The following OPCML variants were observed in gnomAD, a reference collection of about 807,000 sequenced individuals.
OPCML encodes opioid-binding protein/cell adhesion molecule.
In OPCML, 13 loss-of-function variants were observed where a neutral mutation model predicts 37.8. That is an observed-to-expected ratio of 0.34 (90% CI 0.22 to 0.55). The LOEUF (loss-of-function observed/expected upper bound fraction) is 0.55. Ranked by LOEUF, OPCML falls within the 20% of genes least tolerant of loss-of-function variation. The pLI, the probability that OPCML is intolerant of heterozygous loss-of-function variation, is 0.91. For missense variants in OPCML, 341 were observed against 435.6 expected, an observed-to-expected ratio of 0.78 and a Z score of 1.93; for synonymous variants, 176 against 168.8, an observed-to-expected ratio of 1.04 and a Z score of -0.33.
rs562216785 is a variant in OPCML, at chr11:132,598,571, A to C, written c.379+58516T>G. On this transcript the variant is annotated intron_variant, in intron 3 of 7. Coordinates refer to ENST00000524381, the MANE Select transcript of OPCML (RefSeq NM_001012393.5). ...TTCTTAGCACTGCTAAGAAAATTTCATCAACACTGTGTAATATTAATCCGA... is the reference window on the plus strand; with the variant it reads ...TTCTTAGCACTGCTAAGAAAATTTCCTCAACACTGTGTAATATTAATCCGA... Among the ~76,000 whole-genome samples, 19 of 152,298 alleles carry C rather than the reference A, an allele frequency of 1.2e-4. No homozygotes were observed. In the East Asian group the frequency reaches 3.5e-3, roughly 28 times the overall value.
At chr11:132,490,932 T>G (rs1230741135) in intron 4 of OPCML, among the ~76,000 whole-genome samples, 1 of 152,196 alleles carries the variant, frequency 6.6e-6, no homozygotes, top group African/African-American at 2.4e-5. Flanking sequence ...CTGCCCTCTG[T>G]TTCCTTCATT....
chr11:132,587,302 G>A (rs2096475014), intron 3 of OPCML, among the ~76,000 whole-genome samples: 1 of 152,228 alleles, frequency 6.6e-6, no homozygotes, highest in Non-Finnish European at 1.5e-5. Context: ...GGTTTAGGAA[G>A]AGACAAACTA....
intron 1 of OPCML, among the ~76,000 whole-genome samples, chr11:133,121,076 C>G (rs1291627392): frequency 6.6e-6 from 1 of 152,102 alleles, no homozygotes; most frequent in Non-Finnish European, 1.5e-5. Flanking sequence ...GTGCGTGTCA[C>G]CATGTCTGGC....
rs530666899 is a variant in OPCML, at chr11:132,694,239, A to G, written c.147-36920T>C. ...TTTTAAGACGGAATCTTCCTCTATC[A>G]TCAGGCTGGAGTGCAGTGGCGCGAT... On this transcript the variant is annotated intron_variant, in intron 2 of 7. Coordinates refer to ENST00000524381, the MANE Select transcript of OPCML (RefSeq NM_001012393.5). Among the ~76,000 whole-genome samples the G allele has an allele frequency of 3.7e-3, 428 of 117,042 alleles. 3 individuals are homozygous for G. The highest frequency in any genetic ancestry group is 0.025 in the South Asian group (91 of 3,648). The allele number at this position is 117,042 out of a possible 152,430, so 76.8% of individuals were successfully genotyped here.
chr11:132,792,236 C>G (rs1381219825), intron 2 of OPCML, among the ~76,000 whole-genome samples: 1 of 152,006 alleles, frequency 6.6e-6, no homozygotes, highest in Non-Finnish European at 1.5e-5. Context: ...ATTACTGCTA[C>G]CTGTGTTCTG....
intron 1 of OPCML, among the ~76,000 whole-genome samples, chr11:132,961,903 C>G (rs1946100356): frequency 6.6e-6 from 1 of 152,214 alleles, no homozygotes; most frequent in Non-Finnish European, 1.5e-5. Context: ...CAGAAATTAC[C>G]TTCCCTGGGC....
intron 1 of OPCML, chr11:133,008,890 A>T: frequency 1.0e-6 from 1 of 985,472 alleles, no homozygotes; most frequent in Non-Finnish European, 1.2e-6. Context: ...ATATCTGGTC[A>T]TATGAGTGAT....
intron 3 of OPCML, among the ~76,000 whole-genome samples, chr11:132,590,714 C>A (rs1348639173): frequency 2.0e-5 from 3 of 152,110 alleles, no homozygotes; most frequent in African/African-American, 7.2e-5. Flanking sequence ...AAACGGCACA[C>A]ACGCATGACA....
chr11:132,962,068 C>T lies in OPCML; in HGVS notation c.62-19058G>A, dbSNP rs569739234. 3.9e-5 allele frequency among the ~76,000 whole-genome samples: 6 copies of T among 152,370 alleles called. No individual in the cohort carries two copies. In the East Asian group the frequency reaches 1.2e-3, roughly 29 times the overall value. ...CTGCACTGAGGTCTTTCTTTATTCT[C>T]AGTACCAAGCACAATGCTTGGCAAA... On this transcript the variant is annotated intron_variant, in intron 1 of 7. Coordinates refer to ENST00000524381, the MANE Select transcript of OPCML (RefSeq NM_001012393.5).
At chr11:133,216,395 G>A (rs1008559732) in intron 1 of OPCML, among the ~76,000 whole-genome samples, 3 of 152,160 alleles carry the variant, frequency 2.0e-5, no homozygotes, top group Admixed American at 6.5e-5. Flanking sequence ...TGGATGGTAC[G>A]TATTAGACGA....
In OPCML at chr11:132,774,418, G is replaced by A. The variant is rs79879667; in HGVS notation, c.147-117099C>T. ...TGTTTTTTTTCATCGTACAGGCTCC[G>A]ACCAATAAGAATGGTCAGTGTTACA... On this transcript the variant is annotated intron_variant, in intron 2 of 7. Transcript: ENST00000524381. Among the ~76,000 whole-genome samples the A allele has an allele frequency of 3.2e-3, 493 of 151,986 alleles. 5 individuals carry two copies. Among genetic ancestry groups the A allele is most frequent in the African/African-American group, 0.011 (463 of 41,434 alleles).
At chr11:132,818,355 A>G (rs1365409607) in intron 2 of OPCML, among the ~76,000 whole-genome samples, 1 of 152,120 alleles carries the variant, frequency 6.6e-6, no homozygotes, top group Non-Finnish European at 1.5e-5. Flanking sequence ...GGCTTTGAGC[A>G]AAGTCGACTG....
At chr11:133,292,068 A>G (rs541324848) in intron 1 of OPCML, among the ~76,000 whole-genome samples, 1 of 152,364 alleles carries the variant, frequency 6.6e-6, no homozygotes, top group African/African-American at 2.4e-5. Context: ...CTATAAAAAT[A>G]TCATCTATCC....
intron 1 of OPCML, among the ~76,000 whole-genome samples, chr11:133,274,243 C>T (rs536537063): frequency 6.2e-4 from 95 of 152,274 alleles, no homozygotes; most frequent in African/African-American, 2.2e-3. Flanking sequence ...AGTCCTATTA[C>T]CTGGTCCCTC....
At chr11:132,912,637 A>G (rs759366592) in intron 2 of OPCML, among the ~76,000 whole-genome samples, 4 of 152,180 alleles carry the variant, frequency 2.6e-5, no homozygotes, top group Non-Finnish European at 4.4e-5. Flanking sequence ...TTTCAACACA[A>G]TCCTATTTTA....
At chr11:133,511,297 C>A (rs551071676) in intron 1 of OPCML, among the ~76,000 whole-genome samples, 1 of 152,166 alleles carries the variant, frequency 6.6e-6, no homozygotes, top group South Asian at 2.1e-4. Flanking sequence ...TTAAACAAAG[C>A]GAGTCCTGCT....
intron 1 of OPCML, among the ~76,000 whole-genome samples, chr11:133,068,536 C>A (rs1948475353): frequency 6.6e-6 from 1 of 152,152 alleles, no homozygotes; most frequent in Non-Finnish European, 1.5e-5. Context: ...CTGGTATGCA[C>A]AAAACACATG....
chr11:132,513,919 T>C (rs2096274252), intron 4 of OPCML, among the ~76,000 whole-genome samples: 2 of 152,242 alleles, frequency 1.3e-5, no homozygotes, highest in African/African-American at 4.8e-5. Flanking sequence ...TTTATTCTTC[T>C]GTTTCAAACA....
At chr11:132,971,599 A>G (rs1350214153) in intron 1 of OPCML, among the ~76,000 whole-genome samples, 1 of 152,232 alleles carries the variant, frequency 6.6e-6, no homozygotes, top group Non-Finnish European at 1.5e-5. Context: ...AAAACTTTCA[A>G]TGGCAAAGAG....
Sources: allele counts gnomAD v4.1 joint callset (sites outside exome capture counted in the v4.1 genomes callset), GRCh38; gene constraint gnomAD v4.1.1; transcripts MANE v1.5; gene names NCBI Gene and HGNC (gene_info 2026-07-23, HGNC 2026-07-21).